The following LINGO1 variants were observed in gnomAD, a reference collection of about 807,000 sequenced individuals.
LINGO1 encodes leucine rich repeat and Ig domain containing 1, also known as leucine-rich repeat and immunoglobulin-like domain-containing nogo receptor-interacting protein 1.
In LINGO1, 11 loss-of-function variants were observed where a neutral mutation model predicts 37.3. That is an observed-to-expected ratio of 0.29 (90% CI 0.19 to 0.49). LINGO1 has a LOEUF of 0.49. LINGO1 is among the 20% of genes least tolerant of loss of function. LINGO1 has a pLI of 0.99. For missense variants in LINGO1, 585 were observed against 878.2 expected (o/e 0.67, Z 4.22); for synonymous variants, 387 against 403.0 (o/e 0.96, Z 0.48).
chr15:77,669,297 C>G (rs537119537), intron 3 of LINGO1, among the ~76,000 whole-genome samples: 1 of 152,220 alleles, frequency 6.6e-6, no homozygotes, highest in Non-Finnish European at 1.5e-5. Flanking sequence ...TCTGCCAGCC[C>G]CTAGCTGAGG....
intron 1 of LINGO1, among the ~76,000 whole-genome samples, chr15:77,748,909 C>CTTTTTTTTT (rs67399483): frequency 1.1e-5 from 1 of 87,792 alleles, no homozygotes; most frequent in African/African-American, 4.3e-5. Flanking sequence ...CCTTCCTTCT[C>CTTTTTTTTT]TTTTTTTTTT....
chr15:77,700,691 ACTGCAAGTAGCT>A (rs112108723), upstream of LINGO1, among the ~76,000 whole-genome samples: 369 of 152,236 alleles, frequency 2.4e-3, 4 homozygotes, highest in African/African-American at 8.1e-3. Context: ...TTTTCACATC[ACTGCAAGTAGCT>A]GCTCCTGCTA....
chr15:77,636,527 G>A (rs2074399533), upstream of LINGO1, among the ~76,000 whole-genome samples: 1 of 150,008 alleles, frequency 6.7e-6, no homozygotes, highest in Non-Finnish European at 1.5e-5. Context: ...GTGAGGTGGA[G>A]CCAGCATCCA....
rs1004559056 is a variant in LINGO1, at chr15:77,632,871, G to A, written c.-556C>T. Among the ~76,000 whole-genome samples, 5 of 150,106 alleles carry A rather than the reference G, an allele frequency of 3.3e-5. No homozygotes were observed. The highest frequency in any genetic ancestry group is 2.0e-4 in the Admixed American group (3 of 15,102). On this transcript the variant is annotated 5_prime_UTR_variant, in exon 1 of 2. Transcript: ENST00000355300. The surrounding 1 kb of genome is among the most constrained non-coding windows in gnomAD (Gnocchi z 6.0). ...CGCTCCGGCTCCCGCGCCGGCTCCC[G>A]CTCGGGCTCCGCGCTCTGCAGCGGC...
chr15:77,659,578 G>A (rs1446885302), intron 3 of LINGO1, among the ~76,000 whole-genome samples: 1 of 152,178 alleles, frequency 6.6e-6, no homozygotes. Context: ...CAGTTGAAGT[G>A]TGAGGTCAGT....
chr15:77,698,894 G>A (rs1354604793), upstream of LINGO1, among the ~76,000 whole-genome samples: 1 of 152,154 alleles, frequency 6.6e-6, no homozygotes, highest in African/African-American at 2.4e-5. Flanking sequence ...CTGAGTCCCT[G>A]CGGACAAGAG....
intron 3 of LINGO1, chr15:77,648,810 AGGGCT>A (rs1275988821): frequency 6.6e-6 from 1 of 152,248 alleles, no homozygotes. Flanking sequence ...CCTGCTCTCC[AGGGCT>A]GGAGACCTCA....
intron 1 of LINGO1, among the ~76,000 whole-genome samples, chr15:77,808,759 G>A (rs2076980230): frequency 6.6e-6 from 1 of 152,170 alleles, no homozygotes; most frequent in African/African-American, 2.4e-5. Flanking sequence ...GATAGTAATA[G>A]TGCACAGCTC....
chr15:77,700,050 C>T (rs994293618), upstream of LINGO1, among the ~76,000 whole-genome samples: 11 of 152,188 alleles, frequency 7.2e-5, no homozygotes, highest in Admixed American at 4.6e-4. Context: ...TCACCACACA[C>T]GTTAGCATTC....
upstream of LINGO1, among the ~76,000 whole-genome samples, chr15:77,698,825 A>C (rs1221990219): frequency 4.6e-5 from 7 of 152,126 alleles, no homozygotes; most frequent in South Asian, 1.5e-3. Flanking sequence ...GAGGATCGGG[A>C]GCAGGGCTGC....
At chr15:77,735,002 T>TCTCAGGG (rs2076189919) in exon 2 of LINGO1, 1 of 152,462 alleles carries the variant, frequency 6.6e-6, no homozygotes, top group Non-Finnish European at 1.5e-5. Context: ...TCAAGCATCG[T>TCTCAGGG]CTCAGGGCTC....
At chr15:77,776,739 C>G (rs1164801034) in intron 1 of LINGO1, among the ~76,000 whole-genome samples, 1 of 152,234 alleles carries the variant, frequency 6.6e-6, no homozygotes, top group Admixed American at 6.5e-5. Context: ...GATCTTTGGA[C>G]TGCAAAGCTC....
At chr15:77,726,047 T>C (rs1445198577) in intron 2 of LINGO1, among the ~76,000 whole-genome samples, 2 of 152,200 alleles carry the variant, frequency 1.3e-5, no homozygotes, top group African/African-American at 4.8e-5. Context: ...GAACTGCCTC[T>C]CACTGGCAAA....
intron 3 of LINGO1, among the ~76,000 whole-genome samples, chr15:77,660,869 C>T (rs1182071213): frequency 1.3e-5 from 2 of 152,170 alleles, no homozygotes; most frequent in East Asian, 1.9e-4. Flanking sequence ...CCAAGACAGG[C>T]GGGAGGGATG....
chr15:77,758,832 G>C (rs1210563650), intron 1 of LINGO1, among the ~76,000 whole-genome samples: 1 of 151,848 alleles, frequency 6.6e-6, no homozygotes, highest in Non-Finnish European at 1.5e-5. Context: ...GGCAATGAGA[G>C]GATCACCATT....
intron 2 of LINGO1, among the ~76,000 whole-genome samples, chr15:77,680,630 C>G (rs1023089557): frequency 6.6e-6 from 1 of 152,090 alleles, no homozygotes; most frequent in Non-Finnish European, 1.5e-5. Context: ...TGAGCTGAGG[C>G]AGGTAGTGGC....
At chr15:77,782,779 C>A (rs1232666843) in intron 1 of LINGO1, among the ~76,000 whole-genome samples, 1 of 152,042 alleles carries the variant, frequency 6.6e-6, no homozygotes, top group Non-Finnish European at 1.5e-5. Flanking sequence ...CCTGCACCCA[C>A]CTCCCCTCAA....
chr15:77,700,355 A>T (rs192349578), upstream of LINGO1, among the ~76,000 whole-genome samples: 38 of 152,332 alleles, frequency 2.5e-4, 1 homozygote, highest in Admixed American at 2.0e-4. Context: ...GATTTCACAG[A>T]GGTGGCAGCT....
intron 1 of LINGO1, among the ~76,000 whole-genome samples, chr15:77,805,011 C>T (rs2076948923): frequency 6.6e-6 from 1 of 152,212 alleles, no homozygotes; most frequent in South Asian, 2.1e-4. Flanking sequence ...CCTCCAGGGG[C>T]CTCCCTCGGC....
Sources: gnomAD v4.1 joint callset for allele counts (sites outside exome capture counted in the v4.1 genomes callset) on GRCh38, gnomAD v4.1.1 for gene constraint, Gnocchi (gnomAD v3.1) non-coding constraint, MANE v1.5 for transcripts, NCBI Gene and HGNC (gene_info 2026-07-23, HGNC 2026-07-21) for gene names.